The following SYNPR variants were observed in gnomAD, a reference collection of about 807,000 sequenced individuals.
The protein encoded by SYNPR is synaptoporin.
A neutral mutation model predicts 32.9 loss-of-function variants in SYNPR; 23 were observed. The ratio of observed to expected loss-of-function variants is 0.70; its 90% CI spans 0.50 to 0.99. The LOEUF is 0.99. Ranked by LOEUF, SYNPR falls within the 50% of genes least tolerant of loss-of-function variation. The probability of loss-of-function intolerance (pLI) is 0.00; values close to 1 mark genes in which losing one functional copy is unlikely to be tolerated. For synonymous variants in SYNPR, 146 were observed against 135.9 expected (o/e 1.07, Z -0.52); for missense variants, 318 against 349.3 (o/e 0.91, Z 0.71).
At chr3:63,352,463 T>C (rs1045876266) in intron 2 of SYNPR, among the ~76,000 whole-genome samples, 1 of 152,172 alleles carries the variant, frequency 6.6e-6, no homozygotes, top group African/African-American at 2.4e-5. Context: ...AAAACACTTA[T>C]TTATCTGTTA....
intron 2 of SYNPR, among the ~76,000 whole-genome samples, chr3:63,392,707 T>C (rs529512780): frequency 9.8e-5 from 15 of 152,314 alleles, no homozygotes; most frequent in African/African-American, 3.4e-4. Flanking sequence ...CAGAAGGTGG[T>C]AATGAGCTAG....
At chr3:63,584,516 G>C (rs1235736795) in intron 4 of SYNPR, among the ~76,000 whole-genome samples, 4 of 151,922 alleles carry the variant, frequency 2.6e-5, no homozygotes, top group African/African-American at 9.7e-5. Context: ...TCTGGGTTTG[G>C]GATTGGAAAA....
intron 2 of SYNPR, among the ~76,000 whole-genome samples, chr3:63,342,900 G>A (rs756932936): frequency 6.6e-6 from 1 of 152,154 alleles, no homozygotes; most frequent in African/African-American, 2.4e-5. Flanking sequence ...TTTATGGGTT[G>A]AAAGTTATTT....
At chr3:63,445,314 C>T (rs986889900) in intron 2 of SYNPR, among the ~76,000 whole-genome samples, 7 of 152,134 alleles carry the variant, frequency 4.6e-5, no homozygotes, top group African/African-American at 1.7e-4. Flanking sequence ...CATACTCAGG[C>T]CCACAAAGGA....
At chr3:63,559,691 C>T (rs1311081660) in intron 4 of SYNPR, among the ~76,000 whole-genome samples, 1 of 140,850 alleles carries the variant, frequency 7.1e-6, no homozygotes, top group Non-Finnish European at 1.5e-5. Flanking sequence ...GAATTTGAAA[C>T]TTTGGGCAAG....
Position 63,426,936 on chromosome 3 carries a change from A to G in SYNPR, c.85-53896A>G, listed in dbSNP as rs545653372. ...TTCAACTTCAAAATTAATTTAAAATAATTTTAAAATAACTCTAAAACTATG... is the reference window on the plus strand; with the variant it reads ...TTCAACTTCAAAATTAATTTAAAATGATTTTAAAATAACTCTAAAACTATG... On this transcript the variant is annotated intron_variant, in intron 2 of 5. Transcript: ENST00000478300. 4 of 152,312 alleles carry G rather than the reference A, an allele frequency of 2.6e-5. No individual in the cohort carries two copies. In the South Asian group the frequency reaches 8.3e-4, roughly 32 times the overall value. 9.4% of individuals were successfully genotyped at this position (152,312 alleles called of 1,614,324 possible).
the SYNPR span, among the ~76,000 whole-genome samples, chr3:63,218,094 T>C: frequency 1.3e-5 from 2 of 152,092 alleles, no homozygotes; most frequent in Non-Finnish European, 2.9e-5. Flanking sequence ...GATTGTGCCA[T>C]TGCACACCAG....
At chr3:63,233,467 T>C (rs1012240525) in intron 1 of SYNPR, among the ~76,000 whole-genome samples, 1 of 152,204 alleles carries the variant, frequency 6.6e-6, no homozygotes, top group Non-Finnish European at 1.5e-5. Flanking sequence ...CCAACAGGCC[T>C]TGATACTCCC....
chr3:63,424,747 G>A (rs1179652205), intron 2 of SYNPR, among the ~76,000 whole-genome samples: 1 of 152,108 alleles, frequency 6.6e-6, no homozygotes, highest in Admixed American at 6.5e-5. Context: ...GGAGGGAGGG[G>A]AGCTATTAGT....
rs77679831 is a variant in SYNPR at position 63,461,849 on chromosome 3, A to G, written c.85-18983A>G. Among the ~76,000 whole-genome samples, 1,280 of 152,116 alleles carry G rather than the reference A, an allele frequency of 8.4e-3. 56 individuals are homozygous for G. In the East Asian group the frequency reaches 0.13, roughly 16 times the overall value. On this transcript the variant is annotated intron_variant, in intron 2 of 5. Transcript: ENST00000478300. ...CCCATCTTGCAGGTATGTTGGGAAGATCGTTTGAGATTATGGATGTAAAGC... is the reference window on the plus strand; with the variant it reads ...CCCATCTTGCAGGTATGTTGGGAAGGTCGTTTGAGATTATGGATGTAAAGC...
At chr3:63,456,082 G>A (rs978200871) in intron 2 of SYNPR, among the ~76,000 whole-genome samples, 1 of 152,002 alleles carries the variant, frequency 6.6e-6, no homozygotes, top group Admixed American at 6.6e-5. Context: ...TCGTGCAGGG[G>A]AATTCCTCTT....
intron 2 of SYNPR, among the ~76,000 whole-genome samples, chr3:63,433,810 C>T (rs1700033950): frequency 6.6e-6 from 1 of 152,120 alleles, no homozygotes; most frequent in Non-Finnish European, 1.5e-5. Flanking sequence ...GGATTACCCT[C>T]ATATCATAGG....
intron 3 of SYNPR, among the ~76,000 whole-genome samples, chr3:63,498,521 C>A (rs999722376): frequency 6.6e-6 from 1 of 151,992 alleles, no homozygotes; most frequent in Non-Finnish European, 1.5e-5. Flanking sequence ...ATTGGGGAAA[C>A]GTTGGCAAAG....
intron 4 of SYNPR, among the ~76,000 whole-genome samples, chr3:63,585,527 T>A (rs1259645717): frequency 2.0e-5 from 3 of 151,614 alleles, no homozygotes; most frequent in East Asian, 2.0e-4. Flanking sequence ...TTGCACTGTA[T>A]AACACTACAC....
chr3:63,610,730 A>G (rs1351002300), intron 5 of SYNPR, among the ~76,000 whole-genome samples: 1 of 152,214 alleles, frequency 6.6e-6, no homozygotes, highest in Non-Finnish European at 1.5e-5. Context: ...TGATCTCAAA[A>G]TCTAACAGGA....
At chr3:63,306,467 C>A (rs2106947611) in intron 2 of SYNPR, among the ~76,000 whole-genome samples, 1 of 151,940 alleles carries the variant, frequency 6.6e-6, no homozygotes, top group East Asian at 2.0e-4. Context: ...CCAGCAGAGC[C>A]TACTGACAGA....
intron 4 of SYNPR, among the ~76,000 whole-genome samples, chr3:63,566,659 C>T (rs529042812): frequency 2.4e-4 from 36 of 152,196 alleles, no homozygotes; most frequent in Middle Eastern, 3.4e-3. Flanking sequence ...TGCCTGGGCC[C>T]AAATCTCAGT....
intron 2 of SYNPR, among the ~76,000 whole-genome samples, chr3:63,412,088 A>T (rs2088474161): frequency 6.6e-6 from 1 of 152,120 alleles, no homozygotes; most frequent in African/African-American, 2.4e-5. Flanking sequence ...TAGGAAGCAA[A>T]TCAATGGAAC....
intron 2 of SYNPR, among the ~76,000 whole-genome samples, chr3:63,267,112 T>C (rs1014338356): frequency 6.6e-6 from 1 of 152,158 alleles, no homozygotes; most frequent in African/African-American, 2.4e-5. Context: ...GGCATAAAAA[T>C]GGAGCTCAAT....
Sources: gnomAD v4.1 joint callset for allele counts (sites outside exome capture counted in the v4.1 genomes callset) on GRCh38, gnomAD v4.1.1 for gene constraint, MANE v1.5 for transcripts, NCBI Gene and HGNC (gene_info 2026-07-23, HGNC 2026-07-21) for gene names.